ARAP2: variants seen among roughly 807,000 people sequenced by gnomAD.
The protein encoded by ARAP2 is arf-GAP with Rho-GAP domain, ANK repeat and PH domain-containing protein 2.
Under a neutral mutation model 194.5 loss-of-function variants are expected in ARAP2, and 148 were observed. The observed-to-expected ratio is 0.76, with a 90% CI of 0.67 to 0.87. ARAP2 has a LOEUF of 0.87. Among genes scored for constraint, ARAP2 ranks in the 40% least tolerant of loss-of-function variants. The pLI, the probability that ARAP2 is intolerant of heterozygous loss-of-function variation, is 0.00. For synonymous variants in ARAP2, 695 were observed against 683.5 expected (o/e 1.02, Z -0.26); for missense variants, 2,128 against 1,989.7 (o/e 1.07, Z -1.32).
chr4:36,073,045 A>G (rs1317590361), intron 32 of ARAP2, among the ~76,000 whole-genome samples: 1 of 152,190 alleles, frequency 6.6e-6, no homozygotes, highest in Admixed American at 6.6e-5. Flanking sequence ...GACTCAATTA[A>G]GACACTGAAA....
chr4:36,189,967 C>T (rs1741505608), intron 7 of ARAP2, among the ~76,000 whole-genome samples: 1 of 152,142 alleles, frequency 6.6e-6, no homozygotes, highest in Admixed American at 6.5e-5. Context: ...TCCTTTGCAC[C>T]CACATAGCTT....
intron 6 of ARAP2, among the ~76,000 whole-genome samples, chr4:36,017,458 A>G (rs919965456): frequency 5.3e-5 from 8 of 150,866 alleles, no homozygotes; most frequent in South Asian, 2.1e-4. Context: ...GGATAAGGAG[A>G]ATAAGAGAGA....
chr4:36,110,797 C>T (rs375779922), intron 26 of ARAP2, among the ~76,000 whole-genome samples: 1 of 151,636 alleles, frequency 6.6e-6, no homozygotes, highest in African/African-American at 2.4e-5. Context: ...ACAGTAATGG[C>T]GAAATATCAT....
intron 5 of ARAP2, among the ~76,000 whole-genome samples, chr4:36,036,910 G>T (rs1006007531): frequency 1.3e-5 from 2 of 151,932 alleles, no homozygotes; most frequent in African/African-American, 4.8e-5. Context: ...TTCACCCTTT[G>T]GTTCTTATGT....
At chr4:36,007,452 A>T (rs886171326) in intron 9 of ARAP2, among the ~76,000 whole-genome samples, 13 of 152,194 alleles carry the variant, frequency 8.5e-5, no homozygotes, top group Non-Finnish European at 1.9e-4. Flanking sequence ...GATTGAAGCT[A>T]TGTCATCTCA....
intron 6 of ARAP2, among the ~76,000 whole-genome samples, chr4:36,201,143 C>A (rs896495549): frequency 6.6e-6 from 1 of 152,014 alleles, no homozygotes; most frequent in Non-Finnish European, 1.5e-5. Flanking sequence ...AATATTAACT[C>A]ATTTAATCCT....
chr4:36,111,129 C>T (rs1380177254), intron 26 of ARAP2, among the ~76,000 whole-genome samples: 3 of 151,888 alleles, frequency 2.0e-5, no homozygotes, highest in African/African-American at 7.2e-5. Context: ...TTCTGGCTTA[C>T]ATATTTATAA....
At chr4:36,077,507 T>C (rs896171127) in intron 31 of ARAP2, among the ~76,000 whole-genome samples, 3 of 152,112 alleles carry the variant, frequency 2.0e-5, no homozygotes, top group African/African-American at 7.2e-5. Context: ...CAAGGAACTC[T>C]AGGGTATATA....
chr4:36,126,323 A>G (rs1424371228), intron 21 of ARAP2, among the ~76,000 whole-genome samples: 1 of 152,070 alleles, frequency 6.6e-6, no homozygotes, highest in Non-Finnish European at 1.5e-5. Context: ...TCATGCTAGT[A>G]TGCATATTTC....
rs4833069 is a variant in ARAP2, at chr4:36,080,256, C to T, written c.4568G>A (p.Arg1523Gln). The T allele has an allele frequency of 0.99, 1,596,334 of 1,613,186 alleles. 789,865 individuals are homozygous for T. The highest frequency in any genetic ancestry group is 1 in the East Asian group (44,773 of 44,774). ...HHWHLCCDSS[R>Q]TQTEWMTSIF... Reference sequence around the variant, plus strand: ...ACTGGTCATCCACTCCGTCTGAGTTCGTGAACTATCACAACACAGGTGCCT... The same window carrying T: ...ACTGGTCATCCACTCCGTCTGAGTTTGTGAACTATCACAACACAGGTGCCT... Residue 1523 changes from arginine (R) to glutamine (Q), a missense_variant, in exon 31 of 33, where the codon CGA (arginine) becomes CAA (glutamine). Transcript: ENST00000303965.
Position 36,013,362 on chromosome 4 carries a change from T to C in ARAP2, n.1057-531A>G, listed in dbSNP as rs142330414. Among the ~76,000 whole-genome samples, 95 of 152,310 alleles carry C rather than the reference T, an allele frequency of 6.2e-4. 2 individuals are homozygous for C. In the East Asian group the frequency reaches 0.018, roughly 28 times the overall value. On this transcript the variant is annotated intron_variant and non_coding_transcript_variant, in intron 8 of 12. Transcript: ENST00000503225. ...GGATAATAAATAGTTGCTGCTAGTATAAATGTCTCTCCCTAGAAGAATCTA... is the reference window on the plus strand; with the variant it reads ...GGATAATAAATAGTTGCTGCTAGTACAAATGTCTCTCCCTAGAAGAATCTA...
chr4:36,008,504 C>T (rs1440833825), intron 9 of ARAP2, among the ~76,000 whole-genome samples: 3 of 151,940 alleles, frequency 2.0e-5, no homozygotes, highest in Non-Finnish European at 4.4e-5. Flanking sequence ...AGAAGTATTA[C>T]ACTGGATTCC....
intron 21 of ARAP2, 116 bp downstream of exon 21, chr4:36,128,417 T>C: frequency 1.4e-6 from 1 of 735,748 alleles, no homozygotes; most frequent in East Asian, 2.8e-5. Context: ...AAATTTCAGC[T>C]TATCAAAGAT....
chr4:36,167,068 A>C, intron 9 of ARAP2, 21 bp from the exon 10 acceptor site: 1 of 1,317,704 alleles, frequency 7.6e-7, no homozygotes, highest in South Asian at 1.3e-5. Context: ...GAAAAACATA[A>C]AAAACTATAA....
chr4:36,170,040 G>C (rs979766138), intron 9 of ARAP2, among the ~76,000 whole-genome samples: 1 of 152,118 alleles, frequency 6.6e-6, no homozygotes, highest in African/African-American at 2.4e-5. Flanking sequence ...ATAGTATTTA[G>C]AACATGTTTA....
At chr4:36,060,379 T>G (rs1724234371) in intron 1 of ARAP2, among the ~76,000 whole-genome samples, 1 of 152,176 alleles carries the variant, frequency 6.6e-6, no homozygotes, top group African/African-American at 2.4e-5. Context: ...TATATTATTT[T>G]AGTGTTCATG....
chr4:36,093,521 T>C (rs994618652), intron 27 of ARAP2, among the ~76,000 whole-genome samples: 4 of 152,202 alleles, frequency 2.6e-5, no homozygotes, highest in African/African-American at 9.6e-5. Flanking sequence ...ACTAAAAAAA[T>C]TGTGATTATT....
chr4:36,214,536 G>A (rs1266907104), intron 2 of ARAP2, 56 bp from the exon 3 acceptor site: 4 of 1,167,534 alleles, frequency 3.4e-6, no homozygotes, highest in Middle Eastern at 2.3e-4. Flanking sequence ...ATATTTATGA[G>A]TAAAATTAAA....
intron 5 of ARAP2, among the ~76,000 whole-genome samples, chr4:36,021,201 A>C (rs943660464): frequency 3.3e-5 from 5 of 152,240 alleles, no homozygotes; most frequent in African/African-American, 4.8e-5. Context: ...AAGCAGTCAA[A>C]TAAAGTCAAC....
Sources: gnomAD v4.1 joint callset for allele counts (sites outside exome capture counted in the v4.1 genomes callset) on GRCh38, gnomAD v4.1.1 for gene constraint, MANE v1.5 for transcripts, NCBI Gene and HGNC (gene_info 2026-07-23, HGNC 2026-07-21) for gene names.